The following PUDP variants were observed in gnomAD, a reference collection of about 807,000 sequenced individuals.
PUDP encodes the protein pseudouridine 5'-phosphatase, also known as pseudouridine-5'-phosphatase.
Under a neutral mutation model 9.4 loss-of-function variants are expected in PUDP, and 8 were observed. That is an observed-to-expected ratio of 0.85 (90% confidence interval 0.50 to 1.53). The LOEUF (loss-of-function observed/expected upper bound fraction) is 1.53. PUDP is among the 40% of genes most tolerant of loss of function. PUDP has a pLI of 0.00. For synonymous variants in PUDP, 99 were observed against 80.7 expected, an observed-to-expected ratio of 1.23 and a Z score of -1.22; for missense variants, 188 against 189.7, an observed-to-expected ratio of 0.99 and a Z score of 0.05.
intron 3 of PUDP, among the ~76,000 whole-genome samples, chrX:6,818,895 G>A (rs1042297876): frequency 2.7e-5 from 3 of 111,806 alleles, no homozygotes; most frequent in Non-Finnish European, 3.8e-5. Flanking sequence ...GCTTTCCCAT[G>A]ATTTAACAAA....
chrX:6,983,180 C>T (rs976040850), intron 1 of PUDP, among the ~76,000 whole-genome samples: 5 of 112,008 alleles, frequency 4.5e-5, no homozygotes, highest in Admixed American at 2.8e-4. Context: ...GAGTAATTCA[C>T]ACAAAGATGG....
At chrX:6,760,725 T>C (rs2146674696) in intron 3 of PUDP, among the ~76,000 whole-genome samples, 1 of 112,244 alleles carries the variant, frequency 8.9e-6, no homozygotes, top group Non-Finnish European at 1.9e-5. Context: ...TTCTTAAACT[T>C]ATTCTCCCTT....
chrX:6,709,429 G>A (rs1473817176), intron 1 of PUDP, among the ~76,000 whole-genome samples: 2 of 111,843 alleles, frequency 1.8e-5, no homozygotes, highest in African/African-American at 6.5e-5. Context: ...CCACTTATCC[G>A]TTAAAGTCCA....
At chrX:6,986,720 C>T (rs969664100) in intron 1 of PUDP, among the ~76,000 whole-genome samples, 1 of 111,660 alleles carries the variant, frequency 9.0e-6, no homozygotes, top group Non-Finnish European at 1.9e-5. Flanking sequence ...TTAGTGTCTG[C>T]TCTCTCCCCG....
intron 1 of PUDP, among the ~76,000 whole-genome samples, chrX:6,712,217 G>A (rs1392031450): frequency 1.8e-5 from 2 of 111,922 alleles, no homozygotes; most frequent in African/African-American, 6.5e-5. Flanking sequence ...GTGGCGTAAT[G>A]TCAGCTCACT....
At chrX:7,063,518 T>G (rs1020947850) in intron 3 of PUDP, among the ~76,000 whole-genome samples, 26 of 111,999 alleles carry the variant, frequency 2.3e-4, no homozygotes, top group African/African-American at 8.4e-4. Flanking sequence ...ACCTATCCAG[T>G]TGATGTGGGG....
intron 1 of PUDP, chrX:7,116,877 G>C (rs1602806893): frequency 2.6e-6 from 3 of 1,133,658 alleles, no homozygotes; most frequent in Non-Finnish European, 3.5e-6. Flanking sequence ...GTTCACATGA[G>C]AGCTGGTGGT....
At chrX:6,803,961 TG>T (rs1379743696) in intron 3 of PUDP, among the ~76,000 whole-genome samples, 1 of 109,477 alleles carries the variant, frequency 9.1e-6, no homozygotes, top group Non-Finnish European at 1.9e-5. Flanking sequence ...TAATTCGGGG[TG>T]GGGGGGATGT....
intron 3 of PUDP, among the ~76,000 whole-genome samples, chrX:6,888,993 G>A (rs893264667): frequency 2.7e-5 from 3 of 112,532 alleles, no homozygotes; most frequent in African/African-American, 6.4e-5. Context: ...ATTCTGGCAA[G>A]GGAAACGTAT....
At chrX:6,939,633 G>C (rs925137847) in intron 3 of PUDP, among the ~76,000 whole-genome samples, 1 of 110,198 alleles carries the variant, frequency 9.1e-6, no homozygotes, top group South Asian at 3.8e-4. Flanking sequence ...GTAGGCCAAA[G>C]CTGGAGGATC....
chrX:6,916,463 A>G (rs1927937058), intron 3 of PUDP, among the ~76,000 whole-genome samples: 1 of 108,518 alleles, frequency 9.2e-6, no homozygotes, highest in Non-Finnish European at 1.9e-5. Context: ...TCTATCCAAT[A>G]AGATGTAATA....
chrX:6,830,345 T>C (rs1321700224), intron 3 of PUDP, among the ~76,000 whole-genome samples: 1 of 111,483 alleles, frequency 9.0e-6, no homozygotes, highest in Non-Finnish European at 1.9e-5. Flanking sequence ...AAAAAAATCC[T>C]TCAAGCATTC....
At chrX:6,920,015 C>A (rs933556725) in intron 3 of PUDP, among the ~76,000 whole-genome samples, 16 of 109,202 alleles carry the variant, frequency 1.5e-4, no homozygotes, top group African/African-American at 5.3e-4. Flanking sequence ...CCTCCCTCTG[C>A]AGAACACCAT....
chrX:6,853,447 G>T (rs1283198585), intron 3 of PUDP, among the ~76,000 whole-genome samples: 3 of 58,578 alleles, frequency 5.1e-5, no homozygotes, highest in African/African-American at 1.7e-4. Context: ...CCCCCCTTTT[G>T]TGTGTGTTTT....
chrX:6,960,865 T>C (rs768320919), intron 3 of PUDP, among the ~76,000 whole-genome samples: 49 of 111,352 alleles, frequency 4.4e-4, no homozygotes, highest in Non-Finnish European at 8.9e-4. Flanking sequence ...TTGCACCATA[T>C]GATCCATGGA....
At chrX:7,078,250 C>T (rs1318513846) in intron 2 of PUDP, among the ~76,000 whole-genome samples, 1 of 112,464 alleles carries the variant, frequency 8.9e-6, no homozygotes, top group African/African-American at 3.2e-5. Context: ...GCGACTAGCA[C>T]AACAGGAACA....
chrX:6,863,713 C>T (rs1053934549), intron 3 of PUDP, among the ~76,000 whole-genome samples: 6 of 111,649 alleles, frequency 5.4e-5, no homozygotes, highest in African/African-American at 1.6e-4. Context: ...CTTCTATAGG[C>T]GAGCTGAAAT....
At chrX:6,947,475 C>T (rs968607162) in intron 3 of PUDP, among the ~76,000 whole-genome samples, 8 of 112,359 alleles carry the variant, frequency 7.1e-5, no homozygotes, top group African/African-American at 2.6e-4. Context: ...GTAGTAACCA[C>T]ATCAAATGTG....
chrX:6,977,319 G>A (rs1008567956), intron 2 of PUDP, among the ~76,000 whole-genome samples: 1 of 111,579 alleles, frequency 9.0e-6, no homozygotes, highest in African/African-American at 3.3e-5. Context: ...AATCATCTAA[G>A]AGGAGGGAGT....
Sources: allele counts gnomAD v4.1 joint callset (sites outside exome capture counted in the v4.1 genomes callset), GRCh38; gene constraint gnomAD v4.1.1; transcripts MANE v1.5; gene names NCBI Gene and HGNC (gene_info 2026-07-23, HGNC 2026-07-21).